The following TTLL2 variants were observed in gnomAD, a reference collection of about 807,000 sequenced individuals.
The protein encoded by TTLL2 is tubulin tyrosine ligase like 2, also known as probable tubulin polyglutamylase TTLL2.
Under a neutral mutation model 7.5 loss-of-function variants are expected in TTLL2, and 10 were observed. The ratio of observed to expected loss-of-function variants is 1.33; its 90% CI spans 0.82 to 2.25. TTLL2 has a LOEUF of 2.25. Ranked by LOEUF, TTLL2 falls within the 30% of genes most tolerant of loss-of-function variation. The pLI is 0.00. For missense variants in TTLL2, 733 were observed against 735.7 expected (o/e 1.00, Z 0.04); for synonymous variants, 284 against 280.3 (o/e 1.01, Z -0.13).
chr6:167,341,454 C>T lies in TTLL2; in HGVS notation c.1554C>T (p.His518=), dbSNP rs1243666523. 1.2e-6 allele frequency: 2 copies of T among 1,614,060 alleles called. No homozygotes were observed. The highest frequency in any genetic ancestry group is 3.3e-5 in the Admixed American group (2 of 60,016). The change falls in exon 3 of 3, where the codon CAC becomes CAT. Residue 518 remains histidine (H), a synonymous_variant. Transcript: ENST00000239587. The part of the protein sequence containing the change: ...KPKLRSRHTP[H]KTLMPYASLF... ...AGTTACGGAGCAGGCACACGCCTCACAAGACACTCATGCCCTACGCGTCCC... is the reference window on the plus strand; with the variant it reads ...AGTTACGGAGCAGGCACACGCCTCATAAGACACTCATGCCCTACGCGTCCC...
At chr6:167,328,414 C>T (rs1268915121) in intron 1 of TTLL2, 1 of 285,564 alleles carries the variant, frequency 3.5e-6, no homozygotes, top group Non-Finnish European at 6.9e-6. Flanking sequence ...TTCCCCCTTC[C>T]TACACCAGGA....
chr6:167,325,929 G>T (rs971911524), intron 1 of TTLL2, among the ~76,000 whole-genome samples: 1 of 152,178 alleles, frequency 6.6e-6, no homozygotes, highest in Non-Finnish European at 1.5e-5. Context: ...AGCGGGAAGC[G>T]GGCTGTGACA....
intron 1 of TTLL2, chr6:167,328,115 C>T (rs1486831694): frequency 2.2e-6 from 1 of 456,016 alleles, no homozygotes; most frequent in East Asian, 6.9e-5. Flanking sequence ...AGTGAATGTG[C>T]CAAAAAGATA....
intron 2 of TTLL2, among the ~76,000 whole-genome samples, chr6:167,339,749 A>G (rs1026637288): frequency 6.6e-6 from 1 of 152,192 alleles, no homozygotes; most frequent in Non-Finnish European, 1.5e-5. Flanking sequence ...GTTCTTAATC[A>G]TGCTCACTTT....
At chr6:167,329,022 C>G (rs1778883961) in intron 1 of TTLL2, among the ~76,000 whole-genome samples, 1 of 152,112 alleles carries the variant, frequency 6.6e-6, no homozygotes, top group South Asian at 2.1e-4. Context: ...GGATGCTGCC[C>G]AGTCAGGGAC....
chr6:167,337,018 C>A (rs1435262222), intron 1 of TTLL2, among the ~76,000 whole-genome samples: 1 of 152,188 alleles, frequency 6.6e-6, no homozygotes, highest in Non-Finnish European at 1.5e-5. Context: ...CTCTTCACAG[C>A]CACAGGACAA....
chr6:167,342,432 C>A lies in TTLL2; in HGVS notation c.*753C>A, dbSNP rs1444076048. Among the ~76,000 whole-genome samples the A allele has an allele frequency of 6.6e-6, 1 of 152,140 alleles. No homozygotes were observed. The highest frequency in any genetic ancestry group is 2.4e-5 in the African/African-American group (1 of 41,396). ...TTATTCTAGTGAAAGTAGTCAGATACAAAAGGCCACATGTTGTATGACTCC... is the reference window on the plus strand; with the variant it reads ...TTATTCTAGTGAAAGTAGTCAGATAAAAAAGGCCACATGTTGTATGACTCC... On this transcript the variant is annotated 3_prime_UTR_variant, in exon 3 of 3. Transcript: ENST00000239587.
At chr6:167,332,373 T>G (rs2093462216) in intron 1 of TTLL2, among the ~76,000 whole-genome samples, 1 of 152,116 alleles carries the variant, frequency 6.6e-6, no homozygotes, top group Non-Finnish European at 1.5e-5. Flanking sequence ...AGCTGACAGC[T>G]CACTGTGTAT....
intron 1 of TTLL2, among the ~76,000 whole-genome samples, chr6:167,327,797 A>G (rs903753284): frequency 2.0e-5 from 3 of 152,200 alleles, no homozygotes; most frequent in African/African-American, 7.2e-5. Context: ...TGAAATCCTA[A>G]AAGTATAGGT....
rs370514497 is a variant in TTLL2 at position 167,341,472 on chromosome 6, C to T, written c.1572C>T (p.Tyr524=). Residue 524 remains tyrosine (Y), a synonymous_variant, in exon 3 of 3, where the codon TAC becomes TAT. Coordinates refer to ENST00000239587, the MANE Select transcript of TTLL2 (RefSeq NM_031949.5). ...RHTPHKTLMP[Y]ASLFQSHSCK... ...CGCCTCACAAGACACTCATGCCCTA[C>T]GCGTCCCTCTTCCAGTCGCACTCCT... 72 of 1,613,982 alleles carry T rather than the reference C, an allele frequency of 4.5e-5. No homozygotes were observed. Among genetic ancestry groups the T allele is most frequent in the African/African-American group, 1.5e-4 (11 of 74,876 alleles).
chr6:167,341,347 G>A lies in TTLL2; in HGVS notation c.1447G>A (p.Ala483Thr). 1 of 1,613,866 alleles carries A rather than the reference G, an allele frequency of 6.2e-7. No homozygotes were observed. Among genetic ancestry groups the A allele is most frequent in the Non-Finnish European group, 8.5e-7 (1 of 1,179,980 alleles). The change falls in exon 3 of 3, where the codon GCA becomes ACA. Residue 483 changes from alanine (A) to threonine (T), a missense_variant. By Grantham distance (58) the Ala-to-Thr change is moderately conservative. Transcript: ENST00000239587. The stretch of plus-strand genomic sequence containing the variant: ...AGCTGTGAGTGTGCGTCCTGAAGCT[G>A]CACCTGCCTCCCAGCTGGAAGGAGA... ...EKAVSVRPEA[A>T]PASQLEGEMS...
intron 1 of TTLL2, among the ~76,000 whole-genome samples, chr6:167,335,985 GGA>G (rs1491115072): frequency 2.0e-3 from 115 of 57,280 alleles, no homozygotes; most frequent in Admixed American, 0.018. Context: ...AAAAAGAAAT[GGA>G]AAAAAAAAAA....
intron 1 of TTLL2, among the ~76,000 whole-genome samples, chr6:167,326,189 T>G (rs61630556): frequency 0.25 from 37,383 of 152,012 alleles, 7,014 homozygotes; most frequent in African/African-American, 0.53. Context: ...CACATGGGAC[T>G]TGATCTTTGA....
intron 2 of TTLL2, among the ~76,000 whole-genome samples, 153 bp downstream of exon 2, chr6:167,338,956 C>G (rs1057091174): frequency 6.9e-6 from 1 of 145,690 alleles, no homozygotes; most frequent in Non-Finnish European, 1.5e-5. Context: ...CCTTCCTGCT[C>G]TCCCTCTTTC....
At position 167,341,635 on chromosome 6, in the gene TTLL2, A is replaced by G; in HGVS notation, c.1735A>G (p.Ile579Val). 6.2e-7 allele frequency: 1 copy of G among 1,613,824 alleles called. No homozygotes were observed. The highest frequency in any genetic ancestry group is 1.3e-5 in the African/African-American group (1 of 74,980). Reference sequence around the variant, plus strand: ...CAGGAATGGATTAAATGTCAAAAGAATAATCCAAGAGCTCCAGAAACTAAT... The same window carrying G: ...CAGGAATGGATTAAATGTCAAAAGAGTAATCCAAGAGCTCCAGAAACTAAT... The part of the protein sequence containing the change: ...ASRNGLNVKR[I>V]IQELQKLMNK... The change falls in exon 3 of 3, where the codon ATA becomes GTA. Residue 579 changes from isoleucine to valine, a missense_variant. Coordinates refer to ENST00000239587, the MANE Select transcript of TTLL2 (RefSeq NM_031949.5).
At chr6:167,327,710 C>T (rs528440372) in intron 1 of TTLL2, among the ~76,000 whole-genome samples, 8 of 152,192 alleles carry the variant, frequency 5.3e-5, no homozygotes, top group South Asian at 2.1e-4. Flanking sequence ...ACAAGAGAAA[C>T]GGAAACATAC....
At chr6:167,340,082 C>T (rs1326776107) in intron 2 of TTLL2, 23 bp from the exon 3 acceptor site, 3 of 1,553,946 alleles carry the variant, frequency 1.9e-6, no homozygotes, top group Non-Finnish European at 2.6e-6. Context: ...CTCTCCTAAC[C>T]TTTCTCAATG....
chr6:167,335,425 G>T (rs1360763057), intron 1 of TTLL2, among the ~76,000 whole-genome samples: 2,664 of 148,726 alleles, frequency 0.018, 61 homozygotes, highest in African/African-American at 0.064. Context: ...ATTCCTCAGG[G>T]ATCTAGAACT....
In TTLL2 at chr6:167,340,589, A is replaced by G; in HGVS notation, c.689A>G (p.Asp230Gly). 1 of 1,614,206 alleles carries G rather than the reference A, an allele frequency of 6.2e-7. No individual in the cohort carries two copies. Among genetic ancestry groups the G allele is most frequent in the Non-Finnish European group, 8.5e-7 (1 of 1,180,036 alleles). The change falls in exon 3 of 3, where the codon GAC becomes GGC. Residue 230 changes from aspartate to glycine, a missense_variant. Transcript: ENST00000239587. ...RGILIFSDFK[D>G]FIFDDMYIVQ... ...ATACTAATTTTCAGTGACTTTAAAGACTTCATCTTTGATGATATGTACATA... is the reference window on the plus strand; with the variant it reads ...ATACTAATTTTCAGTGACTTTAAAGGCTTCATCTTTGATGATATGTACATA...
Sources: allele counts gnomAD v4.1 joint callset (sites outside exome capture counted in the v4.1 genomes callset), GRCh38; gene constraint gnomAD v4.1.1; transcripts MANE v1.5; gene names NCBI Gene and HGNC (gene_info 2026-07-23, HGNC 2026-07-21).